SCRN1: variants seen among roughly 807,000 people sequenced by gnomAD.
The protein encoded by SCRN1 is secernin 1.
SCRN1 carries 19 observed loss-of-function variants against 43.3 expected under a neutral mutation model. That is an observed-to-expected ratio of 0.44 (90% CI 0.31 to 0.64). The LOEUF (loss-of-function observed/expected upper bound fraction) is 0.64, where lower values mean the gene tolerates loss of function less well. Among genes scored for constraint, SCRN1 ranks in the 30% least tolerant of loss-of-function variants. The pLI is 0.09. For missense variants in SCRN1, 447 were observed against 524.1 expected, an observed-to-expected ratio of 0.85 and a Z score of 1.44; for synonymous variants, 183 against 188.9, an observed-to-expected ratio of 0.97 and a Z score of 0.26.
At chr7:29,973,452 A>C (rs1788722477) in intron 1 of SCRN1, among the ~76,000 whole-genome samples, 2 of 152,244 alleles carry the variant, frequency 1.3e-5, no homozygotes, top group African/African-American at 2.4e-5. Flanking sequence ...TTTCAGAGAA[A>C]GGACATGCAG....
At chr7:29,936,101 G>T (rs1027405390) in intron 6 of SCRN1, among the ~76,000 whole-genome samples, 25 of 152,162 alleles carry the variant, frequency 1.6e-4, no homozygotes, top group Admixed American at 1.5e-3. Context: ...GCTTCAATCT[G>T]TATTGCCTCC....
At chr7:29,930,838 C>T (rs78504044) in intron 6 of SCRN1, among the ~76,000 whole-genome samples, 3,300 of 152,330 alleles carry the variant, frequency 0.022, 52 homozygotes, top group East Asian at 0.068. Context: ...CACAGCCCAG[C>T]AGCCAGTTCA....
At chr7:29,970,649 A>G (rs1480413820) in intron 1 of SCRN1, among the ~76,000 whole-genome samples, 1 of 152,218 alleles carries the variant, frequency 6.6e-6, no homozygotes, top group Admixed American at 6.5e-5. Flanking sequence ...ACTATGTCTT[A>G]TGCAGAGTAG....
intron 2 of SCRN1, among the ~76,000 whole-genome samples, chr7:29,964,895 T>C (rs1214984616): frequency 6.6e-6 from 1 of 151,966 alleles, no homozygotes; most frequent in Non-Finnish European, 1.5e-5. Flanking sequence ...TGAGCCAAGA[T>C]TGTGCAACTG....
chr7:29,932,134 C>G (rs1451407235), intron 6 of SCRN1, among the ~76,000 whole-genome samples: 3 of 149,714 alleles, frequency 2.0e-5, no homozygotes, highest in Admixed American at 2.0e-4. Context: ...TTTGAAAAGT[C>G]AGATGTGTAG....
rs1168011493 is a variant in SCRN1, at chr7:29,922,282, G to A, written c.*1675C>T. Reference sequence around the variant, plus strand: ...AAAACTGCTGACTAAAAAGCTCATGGCACTCCTATACTCACGCTCTGGAGA... The same window carrying A: ...AAAACTGCTGACTAAAAAGCTCATGACACTCCTATACTCACGCTCTGGAGA... On this transcript the variant is annotated 3_prime_UTR_variant, in exon 8 of 8. Transcript: ENST00000242059. The A allele has an allele frequency of 1.3e-5, 2 of 152,144 alleles. No homozygotes were observed. The allele number at this position is 152,144 out of a possible 1,614,324, so 9.4% of individuals were successfully genotyped here.
chr7:29,980,989 TG>T (rs1269409025), intron 1 of SCRN1, among the ~76,000 whole-genome samples: 1 of 152,116 alleles, frequency 6.6e-6, no homozygotes, highest in African/African-American at 2.4e-5. Context: ...CGAGTAAAGA[TG>T]GGGATAGGGA....
chr7:29,940,565 T>TA (rs1240006927), intron 5 of SCRN1, 117 bp downstream of exon 5: 6 of 940,158 alleles, frequency 6.4e-6, no homozygotes, highest in Non-Finnish European at 9.4e-6. Context: ...GGTCTTTACA[T>TA]ACAAGGACTA....
intron 2 of SCRN1, among the ~76,000 whole-genome samples, chr7:29,960,159 A>G (rs1436136383): frequency 6.6e-6 from 1 of 152,178 alleles, no homozygotes; most frequent in Non-Finnish European, 1.5e-5. Flanking sequence ...CTCCCGCAAC[A>G]TACACACACC....
chr7:29,924,183 C>T (rs550323703), intron 7 of SCRN1, 68 bp from the exon 8 acceptor site: 1 of 1,510,480 alleles, frequency 6.6e-7, no homozygotes, highest in South Asian at 1.3e-5. Flanking sequence ...GACACTGAAA[C>T]CCTCTAGGGG....
chr7:29,978,709 T>A (rs1788905404), intron 1 of SCRN1, among the ~76,000 whole-genome samples: 1 of 152,234 alleles, frequency 6.6e-6, no homozygotes, highest in Admixed American at 6.5e-5. Flanking sequence ...AAGTAATCTG[T>A]TATCCAATTA....
chr7:29,926,038 T>C (rs989193933), intron 7 of SCRN1, among the ~76,000 whole-genome samples: 5 of 152,198 alleles, frequency 3.3e-5, no homozygotes, highest in African/African-American at 1.2e-4. Flanking sequence ...TCCAGAACTT[T>C]TTTGAAACAA....
chr7:29,975,498 T>C (rs1788798871), intron 1 of SCRN1, among the ~76,000 whole-genome samples: 1 of 152,174 alleles, frequency 6.6e-6, no homozygotes, highest in Admixed American at 6.5e-5. Context: ...ATGAAATCAA[T>C]TTAGTGGATA....
chr7:29,947,364 G>A, intron 3 of SCRN1: 1 of 1,543,510 alleles, frequency 6.5e-7, no homozygotes, highest in South Asian at 1.2e-5. Context: ...CCTGCTTAAA[G>A]CCCGTTTGTT....
At chr7:29,968,470 G>A (rs1326214406) in intron 2 of SCRN1, among the ~76,000 whole-genome samples, 7 of 152,156 alleles carry the variant, frequency 4.6e-5, no homozygotes, top group Non-Finnish European at 7.4e-5. Context: ...GCTGTTAATC[G>A]AAGAAAGGAG....
At position 29,965,601 on chromosome 7, in the gene SCRN1, G is replaced by T. The variant is rs563829888; in HGVS notation, c.159+3308C>A. ...GGGAAATGAATTTGCTTTCTTACCC[G>T]TGAGGTTATTTCACCTGCAGAATAT... On this transcript the variant is annotated intron_variant, in intron 2 of 7. Coordinates refer to ENST00000242059, the MANE Select transcript of SCRN1 (RefSeq NM_014766.5). This position sits in a 1 kb window ranked among gnomAD's most constrained non-coding sequence, Gnocchi z 4.2. Among the ~76,000 whole-genome samples, 6 of 152,170 alleles carry T rather than the reference G, an allele frequency of 3.9e-5. No individual in the cohort carries two copies. The highest frequency in any genetic ancestry group is 4.1e-4 in the South Asian group (2 of 4,828).
At chr7:29,961,622 C>A (rs539088407) in intron 2 of SCRN1, among the ~76,000 whole-genome samples, 34 of 151,796 alleles carry the variant, frequency 2.2e-4, no homozygotes, top group East Asian at 1.9e-4. Flanking sequence ...GGCAGAGGGG[C>A]TCCTCACTTC....
chr7:29,976,069 C>T (rs376043703), intron 1 of SCRN1, among the ~76,000 whole-genome samples: 2 of 152,246 alleles, frequency 1.3e-5, no homozygotes, highest in East Asian at 3.9e-4. Context: ...AGATTATTCA[C>T]GTTGGCAGAG....
intron 1 of SCRN1, among the ~76,000 whole-genome samples, chr7:29,979,778 T>C (rs975781567): frequency 6.6e-6 from 1 of 152,342 alleles, no homozygotes; most frequent in East Asian, 1.9e-4. Context: ...TACATTTTTT[T>C]AAAATGCATT....
Sources: gnomAD v4.1 joint callset for allele counts (sites outside exome capture counted in the v4.1 genomes callset) on GRCh38, gnomAD v4.1.1 for gene constraint, Gnocchi (gnomAD v3.1) non-coding constraint, MANE v1.5 for transcripts, NCBI Gene and HGNC (gene_info 2026-07-23, HGNC 2026-07-21) for gene names.